CDH18: variants seen among roughly 807,000 people sequenced by gnomAD.
The protein encoded by CDH18 is cadherin 18, also known as cadherin-18.
Under a neutral mutation model 67.9 loss-of-function variants are expected in CDH18, and 31 were observed. That is an observed-to-expected ratio of 0.46 (90% CI 0.34 to 0.62). The LOEUF is 0.62. Ranked by LOEUF, CDH18 falls within the 20% of genes least tolerant of loss-of-function variation. The pLI is 0.01. For missense variants in CDH18, 890 were observed against 975.5 expected (o/e 0.91, Z 1.17); for synonymous variants, 362 against 347.2 (o/e 1.04, Z -0.48).
At chr5:19,552,799 G>A (rs894543508) in intron 8 of CDH18, among the ~76,000 whole-genome samples, 2 of 152,060 alleles carry the variant, frequency 1.3e-5, no homozygotes, top group Non-Finnish European at 2.9e-5. Context: ...CAGATAAATG[G>A]ATCCATTCAT....
At chr5:20,117,470 C>A (rs1366821003) in intron 2 of CDH18, among the ~76,000 whole-genome samples, 1 of 152,004 alleles carries the variant, frequency 6.6e-6, no homozygotes, top group East Asian at 1.9e-4. Flanking sequence ...CAAATCTGAC[C>A]TTTACAATAC....
At chr5:19,750,764 C>A (rs1184029113) in intron 3 of CDH18, among the ~76,000 whole-genome samples, 46 of 11,374 alleles carry the variant, frequency 4.0e-3, no homozygotes, top group African/African-American at 4.4e-3. Context: ...AGTGAAGCCC[C>A]CCCCCCCCCA....
intron 2 of CDH18, among the ~76,000 whole-genome samples, chr5:20,128,685 G>T (rs1225901477): frequency 6.6e-6 from 1 of 152,060 alleles, no homozygotes; most frequent in Non-Finnish European, 1.5e-5. Context: ...CAAAATATGA[G>T]TTTGTAAGTT....
At chr5:20,174,980 C>T (rs1027860) in intron 2 of CDH18, among the ~76,000 whole-genome samples, 1,843 of 152,116 alleles carry the variant, frequency 0.012, 42 homozygotes, top group African/African-American at 0.041. Context: ...AATGAGAAAT[C>T]TTTCTTTTAT....
At chr5:20,261,214 A>G (rs578093760) in intron 1 of CDH18, among the ~76,000 whole-genome samples, 49 of 152,296 alleles carry the variant, frequency 3.2e-4, no homozygotes, top group African/African-American at 1.1e-3. Flanking sequence ...AATGTTAGCA[A>G]TTGTGAAAAC....
chr5:19,826,270 A>G (rs191801336), intron 3 of CDH18, among the ~76,000 whole-genome samples: 1 of 152,268 alleles, frequency 6.6e-6, no homozygotes, highest in East Asian at 1.9e-4. Flanking sequence ...TCGCTGAAAG[A>G]GAGGAAGAGA....
At chr5:19,673,070 T>C (rs1758972832) in intron 5 of CDH18, among the ~76,000 whole-genome samples, 1 of 152,016 alleles carries the variant, frequency 6.6e-6, no homozygotes, top group Admixed American at 6.6e-5. Flanking sequence ...GATAAAACAA[T>C]GGTTTGTGAC....
intron 4 of CDH18, among the ~76,000 whole-genome samples, chr5:19,738,727 C>A (rs1316243287): frequency 6.6e-6 from 1 of 151,996 alleles, no homozygotes; most frequent in Non-Finnish European, 1.5e-5. Flanking sequence ...TACTCTGGGG[C>A]CTACCAATGG....
intron 1 of CDH18, among the ~76,000 whole-genome samples, chr5:20,300,423 C>CT (rs1469223194): frequency 1.3e-5 from 2 of 151,592 alleles, no homozygotes; most frequent in Non-Finnish European, 2.9e-5. Context: ...CCAGGATGTA[C>CT]TTTTTTTTCT....
chr5:19,556,605 GC>G, intron 8 of CDH18, among the ~76,000 whole-genome samples: 1 of 152,070 alleles, frequency 6.6e-6, no homozygotes, highest in South Asian at 2.1e-4. Flanking sequence ...AACGAGCAAA[GC>G]CTCCAAGAAG....
chr5:19,563,358 C>A (rs1739788776), intron 8 of CDH18, among the ~76,000 whole-genome samples: 1 of 152,130 alleles, frequency 6.6e-6, no homozygotes. Context: ...ATAATACAGA[C>A]AGTTTCAGTG....
intron 1 of CDH18, among the ~76,000 whole-genome samples, chr5:20,463,977 G>C (rs975411600): frequency 1.3e-5 from 2 of 152,070 alleles, no homozygotes; most frequent in African/African-American, 4.8e-5. Flanking sequence ...TATTCTGATG[G>C]TATCATGAAC....
intron 1 of CDH18, among the ~76,000 whole-genome samples, chr5:20,294,538 G>A (rs932383721): frequency 1.2e-4 from 18 of 152,136 alleles, no homozygotes; most frequent in Admixed American, 2.6e-4. Flanking sequence ...TCTTTGTGAG[G>A]ACATATCGCA....
At chr5:20,485,576 C>T (rs931620624) in intron 1 of CDH18, among the ~76,000 whole-genome samples, 3 of 151,888 alleles carry the variant, frequency 2.0e-5, no homozygotes, top group Admixed American at 2.0e-4. Flanking sequence ...TAAATTTCCT[C>T]TATTTCAAAT....
chr5:20,158,815 TA>T, intron 2 of CDH18: 2 of 190,046 alleles, frequency 1.1e-5, no homozygotes, highest in Admixed American at 5.3e-5. Context: ...GTTCCATTCC[TA>T]AATCAAGTCC....
intron 1 of CDH18, chr5:20,305,548 C>A (rs937371276): frequency 2.4e-5 from 18 of 749,552 alleles, no homozygotes; most frequent in African/African-American, 1.6e-4. Flanking sequence ...GGCTGGTGGT[C>A]GCGGGGCTGA....
At chr5:20,243,803 G>C (rs1743169507) in intron 2 of CDH18, among the ~76,000 whole-genome samples, 1 of 152,056 alleles carries the variant, frequency 6.6e-6, no homozygotes, top group Admixed American at 6.6e-5. Flanking sequence ...CTAGACTAGT[G>C]AAACTTTATA....
At chr5:19,817,062 C>A (rs1460179910) in intron 3 of CDH18, among the ~76,000 whole-genome samples, 1 of 151,616 alleles carries the variant, frequency 6.6e-6, no homozygotes, top group Non-Finnish European at 1.5e-5. Context: ...AAAATAAAGG[C>A]CATAAATAGG....
intron 1 of CDH18, among the ~76,000 whole-genome samples, chr5:20,433,802 A>G (rs945902781): frequency 6.6e-6 from 1 of 152,106 alleles, no homozygotes; most frequent in African/African-American, 2.4e-5. Flanking sequence ...AAAAAGGGTT[A>G]TGGCTGAGAA....
Sources: gnomAD v4.1 joint callset for allele counts (sites outside exome capture counted in the v4.1 genomes callset) on GRCh38, gnomAD v4.1.1 for gene constraint, MANE v1.5 for transcripts, NCBI Gene and HGNC (gene_info 2026-07-23, HGNC 2026-07-21) for gene names.